C4orf51: variants seen among roughly 807,000 people sequenced by gnomAD.
C4orf51 encodes the protein uncharacterized protein C4orf51.
In C4orf51, 25 loss-of-function variants were observed where a neutral mutation model predicts 25.2. The ratio of observed to expected loss-of-function variants is 0.99; its 90% CI spans 0.72 to 1.39. The LOEUF is 1.39. Ranked by LOEUF, C4orf51 falls within the 40% of genes most tolerant of loss-of-function variation. The probability of loss-of-function intolerance (pLI) is 0.00; values close to 1 mark genes in which losing one functional copy is unlikely to be tolerated. For synonymous variants in C4orf51, 100 were observed against 84.5 expected (o/e 1.18, Z -1.01); for missense variants, 252 against 239.6 (o/e 1.05, Z -0.34).
intron 1 of C4orf51, among the ~76,000 whole-genome samples, chr4:145,691,975 G>GTAACATACCTACACATCTACCC (rs1249172665): frequency 1.1e-5 from 1 of 88,248 alleles, no homozygotes; most frequent in African/African-American, 6.1e-5. Flanking sequence ...CTGATATACA[G>GTAACATACCTACACATCTACCC]CTGATAGGAA....
chr4:145,727,755 G>T (rs1732147968), intron 3 of C4orf51, among the ~76,000 whole-genome samples: 1 of 149,660 alleles, frequency 6.7e-6, no homozygotes, highest in South Asian at 2.1e-4. Flanking sequence ...GATGGTGCGT[G>T]CCTGTAATCC....
At chr4:145,706,977 A>G (rs952495956) in intron 2 of C4orf51, among the ~76,000 whole-genome samples, 8 of 151,978 alleles carry the variant, frequency 5.3e-5, no homozygotes, top group African/African-American at 1.9e-4. Context: ...ACGCCCGGCT[A>G]ATTTATTTTT....
intron 1 of C4orf51, among the ~76,000 whole-genome samples, chr4:145,686,636 A>G (rs1052436748): frequency 6.6e-6 from 1 of 152,198 alleles, no homozygotes; most frequent in African/African-American, 2.4e-5. Context: ...GTGTATATTC[A>G]AGGAAAACTA....
intron 1 of C4orf51, among the ~76,000 whole-genome samples, chr4:145,738,101 T>C (rs1030619501): frequency 6.6e-6 from 1 of 152,170 alleles, no homozygotes; most frequent in Non-Finnish European, 1.5e-5. Flanking sequence ...GAGCACATCC[T>C]TGATAGAGAA....
In C4orf51 at chr4:145,708,714, A is replaced by G. The variant is rs550857028; in HGVS notation, c.307+12082A>G. On this transcript the variant is annotated intron_variant, in intron 2 of 5. Coordinates refer to ENST00000438731, the MANE Select transcript of C4orf51 (RefSeq NM_001080531.3). ...TTGCCTTCATCACTTTTCTAATGGTAATCTGTTAGTCTGGGACCAAGCTTT... is the reference window on the plus strand; with the variant it reads ...TTGCCTTCATCACTTTTCTAATGGTGATCTGTTAGTCTGGGACCAAGCTTT... Among the ~76,000 whole-genome samples the G allele has an allele frequency of 4.3e-4, 66 of 152,296 alleles. No individual in the cohort carries two copies. In the South Asian group the frequency reaches 0.013, roughly 31 times the overall value.
intron 1 of C4orf51, among the ~76,000 whole-genome samples, chr4:145,686,645 T>TA (rs1340116333): frequency 7.2e-5 from 11 of 152,270 alleles, no homozygotes; most frequent in Admixed American, 7.2e-4. Flanking sequence ...CAAGGAAAAC[T>TA]AAAAAACCCT....
At chr4:145,748,417 T>A (rs1258009549) in intron 1 of C4orf51, among the ~76,000 whole-genome samples, 1 of 152,130 alleles carries the variant, frequency 6.6e-6, no homozygotes, top group Non-Finnish European at 1.5e-5. Flanking sequence ...TTATTTCTTT[T>A]CTTCTTCAAA....
intron 2 of C4orf51, among the ~76,000 whole-genome samples, chr4:145,705,759 A>T (rs924270453): frequency 1.3e-5 from 2 of 152,172 alleles, no homozygotes; most frequent in African/African-American, 2.4e-5. Flanking sequence ...TCCCTCACTG[A>T]TGATCATCTG....
Position 145,732,462 on chromosome 4 carries a change from C to G in C4orf51, c.511C>G (p.Arg171Gly). 6.2e-7 allele frequency: 1 copy of G among 1,608,018 alleles called. No individual in the cohort carries two copies. Among genetic ancestry groups the G allele is most frequent in the Non-Finnish European group, 8.5e-7 (1 of 1,177,130 alleles). Residue 171 changes from arginine to glycine, a missense_variant, in exon 6 of 6, where the codon CGG becomes GGG. Arg to Gly is a moderately radical substitution (Grantham distance 125). Coordinates refer to ENST00000438731, the MANE Select transcript of C4orf51 (RefSeq NM_001080531.3). ...GGCCATTTTTCTCCAGCTTCATGGA[C>G]GGTGCGATTCTGAAAGCAAGGTTTG... is the stretch of plus-strand genomic sequence containing the variant. The part of the protein sequence containing the change: ...GKGVLKHLHG[R>G]CDSESKVCSS...
intron 1 of C4orf51, 76 bp from the exon 2 acceptor site, chr4:145,696,483 C>A: frequency 8.5e-7 from 1 of 1,170,640 alleles, no homozygotes; most frequent in Non-Finnish European, 1.3e-6. Flanking sequence ...AATGGAAATC[C>A]CTGTAAGTCC....
At chr4:145,757,274 T>G (rs1734017703), downstream of C4orf51, among the ~76,000 whole-genome samples, 1 of 152,206 alleles carries the variant, frequency 6.6e-6, no homozygotes, top group Non-Finnish European at 1.5e-5. Flanking sequence ...ATTCATCTGT[T>G]TTCCCCCCTT....
chr4:145,708,631 G>C (rs553573811), intron 2 of C4orf51, among the ~76,000 whole-genome samples: 3 of 152,106 alleles, frequency 2.0e-5, no homozygotes, highest in Non-Finnish European at 4.4e-5. Context: ...TGAACAGTGG[G>C]CTCCTTGTTT....
chr4:145,780,834 G>C, the C4orf51 span, among the ~76,000 whole-genome samples: 6 of 152,280 alleles, frequency 3.9e-5, no homozygotes, highest in South Asian at 1.2e-3. Flanking sequence ...GCTCAGTACT[G>C]CATTATAGAA....
chr4:145,744,607 G>A (rs1733265163), intron 1 of C4orf51, among the ~76,000 whole-genome samples: 1 of 151,994 alleles, frequency 6.6e-6, no homozygotes, highest in African/African-American at 2.4e-5. Flanking sequence ...GGATCACGAG[G>A]TCAGGAGATC....
intron 1 of C4orf51, among the ~76,000 whole-genome samples, chr4:145,746,136 G>A (rs1159046884): frequency 1.3e-5 from 2 of 151,962 alleles, no homozygotes; most frequent in East Asian, 1.9e-4. Flanking sequence ...TGTCAGATGG[G>A]TAGTTTGCAA....
rs1734482338 is a variant in C4orf51, at chr4:145,761,435, T to C, written n.167-9553T>C. 1 of 1,289,692 alleles carries C rather than the reference T, an allele frequency of 7.8e-7. No individual in the cohort carries two copies. The highest frequency in any genetic ancestry group is 1.5e-5 in the African/African-American group (1 of 65,852). The allele number at this position is 1,289,692 out of a possible 1,614,324, so 79.9% of individuals were successfully genotyped here. A position where few individuals can be genotyped will look rare whatever the true frequency, so the allele number is the denominator to read the frequency against. Reference sequence around the variant, plus strand: ...GACAGGTAGCCGCACTGGTCGCACTTGTAGTGGTTGCCCAGGCGGTGCTCC... The same window carrying C: ...GACAGGTAGCCGCACTGGTCGCACTCGTAGTGGTTGCCCAGGCGGTGCTCC... On this transcript the variant is annotated intron_variant and non_coding_transcript_variant, in intron 1 of 1. Coordinates refer to the C4orf51 transcript ENST00000510096. The surrounding 1 kb of genome is among the most constrained non-coding windows in gnomAD (Gnocchi z 6.8).
Position 145,740,240 on chromosome 4 carries a change from C to CAAA in C4orf51, n.167+7650_167+7652dup, listed in dbSNP as rs60310006. Among the ~76,000 whole-genome samples the CAAA allele has an allele frequency of 5.2e-4, 54 of 104,788 alleles. 5 individuals are homozygous for CAAA. Among genetic ancestry groups the CAAA allele is most frequent in the African/African-American group, 1.4e-3 (33 of 24,418 alleles). The allele number at this position is 104,788 out of a possible 152,430, so 68.7% of individuals were successfully genotyped here. A position where few individuals can be genotyped will look rare whatever the true frequency, so the allele number is the denominator to read the frequency against. On this transcript the variant is annotated intron_variant and non_coding_transcript_variant, in intron 1 of 1. Coordinates refer to the C4orf51 transcript ENST00000508981. ...AATTATAGCTATCTCTCCCTTTCTGCAAAAAAAAAAAAAAAAAAAAAAAAA... is the reference window on the plus strand; with the variant it reads ...AATTATAGCTATCTCTCCCTTTCTGCAAAAAAAAAAAAAAAAAAAAAAAAAAAA...
intron 3 of C4orf51, among the ~76,000 whole-genome samples, chr4:145,728,916 T>C (rs1372399485): frequency 2.6e-5 from 4 of 152,096 alleles, no homozygotes; most frequent in African/African-American, 7.2e-5. Context: ...GCTTTTTCTT[T>C]TTCTTTTTTT....
chr4:145,703,406 C>G (rs957281353), intron 2 of C4orf51, among the ~76,000 whole-genome samples: 1 of 152,150 alleles, frequency 6.6e-6, no homozygotes, highest in African/African-American at 2.4e-5. Flanking sequence ...CCTTCACTGA[C>G]TCTCTTTTCG....
Sources: allele counts gnomAD v4.1 joint callset (sites outside exome capture counted in the v4.1 genomes callset), GRCh38; gene constraint gnomAD v4.1.1; non-coding constraint Gnocchi (gnomAD v3.1); transcripts MANE v1.5; gene names NCBI Gene and HGNC (gene_info 2026-07-23, HGNC 2026-07-21).